The following LDLRAD4 variants were observed in gnomAD, a reference collection of about 807,000 sequenced individuals.
LDLRAD4 encodes low-density lipoprotein receptor class A domain-containing protein 4.
In LDLRAD4, 5 loss-of-function variants were observed where a neutral mutation model predicts 17.0. The observed-to-expected ratio is 0.29, with a 90% confidence interval of 0.15 to 0.62. LDLRAD4 has a LOEUF of 0.62. LDLRAD4 is among the 20% of genes least tolerant of loss of function. LDLRAD4 has a pLI of 0.84. For synonymous variants in LDLRAD4, 168 were observed against 171.8 expected (o/e 0.98, Z 0.17); for missense variants, 340 against 424.7 (o/e 0.80, Z 1.75).
At chr18:13,401,874 C>A (rs1165482883) in intron 2 of LDLRAD4, among the ~76,000 whole-genome samples, 4 of 152,142 alleles carry the variant, frequency 2.6e-5, no homozygotes, top group African/African-American at 9.7e-5. Flanking sequence ...CTCATGCTTC[C>A]CTGAGGTTTG....
chr18:13,423,103 T>C (rs2089632058), intron 2 of LDLRAD4, among the ~76,000 whole-genome samples: 4 of 152,236 alleles, frequency 2.6e-5, no homozygotes, highest in Admixed American at 2.6e-4. Context: ...TCCTTAATAT[T>C]GATGTAATCA....
chr18:13,426,208 C>T (rs1478831547), intron 2 of LDLRAD4: 1 of 152,234 alleles, frequency 6.6e-6, no homozygotes, highest in Non-Finnish European at 1.5e-5. Context: ...AGCCCCTGCT[C>T]CTGTTTGTTG....
Position 13,585,875 on chromosome 18 carries a change from G to A in LDLRAD4, c.182-35242G>A, listed in dbSNP as rs377371872. ...CAAGCCAGGGGAGCAAATTAAATAG[G>A]AGAACTGAAAGTTAGCTAATATCTG... On this transcript the variant is annotated intron_variant, in intron 3 of 5. Coordinates refer to ENST00000359446, the Ensembl canonical transcript of LDLRAD4. Among the ~76,000 whole-genome samples, 150 of 152,278 alleles carry A rather than the reference G, an allele frequency of 9.9e-4. 1 individual carries two copies. Among genetic ancestry groups the A allele is most frequent in the African/African-American group, 3.4e-3 (143 of 41,552 alleles).
intron 1 of LDLRAD4, among the ~76,000 whole-genome samples, chr18:13,314,935 C>T (rs2080848026): frequency 6.6e-6 from 1 of 152,054 alleles, no homozygotes; most frequent in Non-Finnish European, 1.5e-5. Context: ...CGTACGTTGC[C>T]CAGGCTGGCC....
chr18:13,531,591 T>TTC (rs2094128459), intron 3 of LDLRAD4, among the ~76,000 whole-genome samples: 1 of 149,652 alleles, frequency 6.7e-6, no homozygotes, highest in Non-Finnish European at 1.5e-5. Flanking sequence ...CTCCATCTTT[T>TTC]TTTTTTTTTT....
chr18:13,593,152 A>G (rs983474362), intron 3 of LDLRAD4, among the ~76,000 whole-genome samples: 5 of 152,218 alleles, frequency 3.3e-5, no homozygotes, highest in African/African-American at 1.2e-4. Context: ...GACTCTACTA[A>G]AAGTACATAA....
intron 1 of LDLRAD4, among the ~76,000 whole-genome samples, chr18:13,349,050 G>A (rs1392791883): frequency 6.6e-6 from 1 of 152,180 alleles, no homozygotes; most frequent in African/African-American, 2.4e-5. Context: ...GCCCTGCTTT[G>A]GCTCACGCTC....
At chr18:13,380,911 C>A (rs73953226) in intron 1 of LDLRAD4, among the ~76,000 whole-genome samples, 1 of 151,930 alleles carries the variant, frequency 6.6e-6, no homozygotes, top group South Asian at 2.1e-4. Flanking sequence ...GTTATTTTGC[C>A]CCCCCACATC....
At chr18:13,310,030 A>G (rs1213069275) in intron 1 of LDLRAD4, among the ~76,000 whole-genome samples, 1 of 152,084 alleles carries the variant, frequency 6.6e-6, no homozygotes, top group East Asian at 1.9e-4. Context: ...GGCTTTGTCC[A>G]CTTCTTTCCT....
rs149830649 is a variant in LDLRAD4 at position 13,282,080 on chromosome 18, A to T, written c.-383+3892A>T. Among the ~76,000 whole-genome samples the T allele has an allele frequency of 2.7e-3, 417 of 152,288 alleles. 1 individual carries two copies. The highest frequency in any genetic ancestry group is 9.4e-3 in the African/African-American group (392 of 41,550). ...TGATAAACCCATCATATCTCATGAG[A>T]CTTATTCACTATCATGAGAATAGTA... On this transcript the variant is annotated intron_variant, in intron 1 of 5. Coordinates refer to ENST00000359446, the Ensembl canonical transcript of LDLRAD4.
At chr18:13,508,668 C>T (rs2093731867) in intron 3 of LDLRAD4, among the ~76,000 whole-genome samples, 1 of 152,072 alleles carries the variant, frequency 6.6e-6, no homozygotes, top group South Asian at 2.1e-4. Context: ...ATTTTTAGCC[C>T]ACTGTTGAGA....
intron 4 of LDLRAD4, among the ~76,000 whole-genome samples, chr18:13,623,257 CAG>C (rs1478972497): frequency 2.6e-5 from 4 of 152,230 alleles, no homozygotes; most frequent in Non-Finnish European, 5.9e-5. Flanking sequence ...AGGAAGGTGA[CAG>C]AGCGATGTTC....
chr18:13,325,385 T>C (rs548374762), intron 1 of LDLRAD4, among the ~76,000 whole-genome samples: 2 of 152,308 alleles, frequency 1.3e-5, no homozygotes, highest in South Asian at 4.1e-4. Flanking sequence ...CAGAGTGCAC[T>C]AAGCCTTTGA....
At chr18:13,603,849 G>T (rs1030130844) in intron 3 of LDLRAD4, among the ~76,000 whole-genome samples, 4 of 152,366 alleles carry the variant, frequency 2.6e-5, no homozygotes, top group Middle Eastern at 3.4e-3. Context: ...GACAAGGGCG[G>T]TTCCTGGCTC....
In LDLRAD4 at chr18:13,248,904, C is replaced by T. The variant is rs1313562436; in HGVS notation, c.-466-29201C>T. ...AACAACTCTCTCCCTATCCCCCTTT[C>T]CCTACAACCCTTCCCAACTTCTAGT... On this transcript the variant is annotated intron_variant, in intron 1 of 5. Transcript: ENST00000399848. 2.0e-5 allele frequency among the ~76,000 whole-genome samples: 3 copies of T among 152,222 alleles called. No homozygotes were observed. In the East Asian group the frequency reaches 5.8e-4, roughly 29 times the overall value.
At chr18:13,598,967 T>C (rs988151657) in intron 3 of LDLRAD4, among the ~76,000 whole-genome samples, 2 of 152,204 alleles carry the variant, frequency 1.3e-5, no homozygotes, top group Admixed American at 1.3e-4. Flanking sequence ...CTAGAAGCAG[T>C]TGGGACCATG....
At chr18:13,584,757 A>G (rs2094912527) in intron 3 of LDLRAD4, among the ~76,000 whole-genome samples, 1 of 152,204 alleles carries the variant, frequency 6.6e-6, no homozygotes, top group Admixed American at 6.5e-5. Context: ...TTCTGCAGTG[A>G]GAACTTTGGA....
intron 3 of LDLRAD4, among the ~76,000 whole-genome samples, chr18:13,482,523 C>G (rs1254124775): frequency 6.6e-6 from 1 of 152,222 alleles, no homozygotes; most frequent in East Asian, 1.9e-4. Context: ...CCCCCCATCA[C>G]CACTCAGAAA....
intron 2 of LDLRAD4, among the ~76,000 whole-genome samples, chr18:13,397,931 T>G (rs1355050644): frequency 6.6e-6 from 1 of 152,188 alleles, no homozygotes; most frequent in Admixed American, 6.5e-5. Context: ...GAGTGAAGAT[T>G]AATTGTCTGC....
Sources: allele counts gnomAD v4.1 joint callset (sites outside exome capture counted in the v4.1 genomes callset), GRCh38; gene constraint gnomAD v4.1.1; transcripts MANE v1.5; gene names NCBI Gene and HGNC (gene_info 2026-07-23, HGNC 2026-07-21).